The following ZNF784 variants were observed in gnomAD, a reference collection of about 807,000 sequenced individuals.
ZNF784 encodes the protein zinc finger protein 784.
A neutral mutation model predicts 3.3 loss-of-function variants in ZNF784; 5 were observed. The ratio of observed to expected loss-of-function variants is 1.53; its 90% CI spans 0.80 to 3.22. The LOEUF is 3.22. ZNF784 is among the 30% of genes most tolerant of loss of function. The probability of loss-of-function intolerance (pLI) is 0.00; values close to 1 mark genes in which losing one functional copy is unlikely to be tolerated. For synonymous variants in ZNF784, 231 were observed against 219.6 expected (o/e 1.05, Z -0.46); for missense variants, 501 against 480.7 (o/e 1.04, Z -0.39).
intron 1 of ZNF784, among the ~76,000 whole-genome samples, chr19:55,623,765 A>C (rs1053036234): frequency 6.6e-6 from 1 of 152,082 alleles, no homozygotes; most frequent in Admixed American, 6.6e-5. Context: ...TTTCCTTTAT[A>C]GAACATATCA....
chr19:55,622,172 G>GCCATCA lies in ZNF784; in HGVS notation c.545_550dup (p.Val182_Met183dup). ...CACCGCTGCGCCCGCCGCCGCCGCC[G>GCCATCA]CCATCACCACCTCCGCCCTCTCCGG... is the stretch of plus-strand genomic sequence containing the variant. On this transcript the variant is annotated inframe_insertion, in exon 2 of 2. Coordinates refer to ENST00000325351, the MANE Select transcript of ZNF784 (RefSeq NM_203374.2). This position sits in a 1 kb window ranked among gnomAD's most constrained non-coding sequence, Gnocchi z 5.9. 3.9e-6 allele frequency: 6 copies of GCCATCA among 1,533,228 alleles called. No individual in the cohort carries two copies. Among genetic ancestry groups the GCCATCA allele is most frequent in the Non-Finnish European group, 5.2e-6 (6 of 1,144,834 alleles). 95.0% of individuals were successfully genotyped at this position (1,533,228 alleles called of 1,614,324 possible).
intron 1 of ZNF784, 110 bp downstream of exon 1, chr19:55,624,374 T>A: frequency 1.4e-6 from 1 of 721,264 alleles, no homozygotes; most frequent in Non-Finnish European, 2.0e-6. Context: ...GCCATAGCAC[T>A]AAATACCTCC....
chr19:55,623,914 G>A (rs1286557065), intron 1 of ZNF784, among the ~76,000 whole-genome samples: 1 of 152,118 alleles, frequency 6.6e-6, no homozygotes, highest in Non-Finnish European at 1.5e-5. Context: ...ATGAATGAAT[G>A]TCCTCAATTA....
At position 55,622,548 on chromosome 19, in the gene ZNF784, G is replaced by A. The variant is rs370972785; in HGVS notation, c.175C>T (p.Pro59Ser). The A allele has an allele frequency of 8.1e-6, 13 of 1,611,530 alleles. No homozygotes were observed. Among genetic ancestry groups the A allele is most frequent in the South Asian group, 1.1e-5 (1 of 90,712 alleles). ...CAGTGGAAAGAACCTGGCTCCGGGG[G>A]CTCAGGGACCAGCGTGGTGTCCGTC... ...KVTDTTLVPE[P>S]PEPGSFHCAL... Residue 59 changes from proline (P) to serine (S), a missense_variant, in exon 2 of 2, where the codon CCC (proline) becomes TCC (serine). Physicochemically the swap from Pro to Ser is moderately conservative, Grantham distance 74 (BLOSUM62 -1). Coordinates refer to ENST00000325351, the MANE Select transcript of ZNF784 (RefSeq NM_203374.2). This position sits in a 1 kb window ranked among gnomAD's most constrained non-coding sequence, Gnocchi z 5.9.
In ZNF784 at chr19:55,621,722, TTAAC is replaced by T. The variant is rs754338641; in HGVS notation, c.*25_*28del. On this transcript the variant is annotated 3_prime_UTR_variant, in exon 2 of 2. Coordinates refer to ENST00000325351, the MANE Select transcript of ZNF784 (RefSeq NM_203374.2). This position sits in a 1 kb window ranked among gnomAD's most constrained non-coding sequence, Gnocchi z 4.1. ...CCCGGGTCGGCCTCGTACCTCCGCC[TTAAC>T]TAACCCATGTCCCTGGTCTGCAGCC... is the stretch of plus-strand genomic sequence containing the variant. The T allele has an allele frequency of 2.0e-6, 3 of 1,519,162 alleles. No homozygotes were observed. The highest frequency in any genetic ancestry group is 1.1e-5 in the South Asian group (1 of 88,978). 94.1% of individuals were successfully genotyped at this position (1,519,162 alleles called of 1,614,324 possible).
At position 55,621,668 on chromosome 19, in the gene ZNF784, T is replaced by G; in HGVS notation, c.*83A>C. 4.2e-6 allele frequency: 6 copies of G among 1,429,548 alleles called. No individual in the cohort carries two copies. The highest frequency in any genetic ancestry group is 1.4e-5 in the African/African-American group (1 of 71,760). The allele number at this position is 1,429,548 out of a possible 1,614,324, so 88.6% of individuals were successfully genotyped here. Reference sequence around the variant, plus strand: ...CCCCAATCTCCCCTCTTCTGTCCCCTGCCTCCGTTTCCCCACCCCGTCCCC... The same window carrying G: ...CCCCAATCTCCCCTCTTCTGTCCCCGGCCTCCGTTTCCCCACCCCGTCCCC... On this transcript the variant is annotated 3_prime_UTR_variant, in exon 2 of 2. Coordinates refer to ENST00000325351, the MANE Select transcript of ZNF784 (RefSeq NM_203374.2). This position sits in a 1 kb window ranked among gnomAD's most constrained non-coding sequence, Gnocchi z 4.1.
chr19:55,622,704 G>T lies in ZNF784; in HGVS notation c.79-60C>A. On this transcript the variant is annotated intron_variant, in intron 1 of 1. Coordinates refer to ENST00000325351, the MANE Select transcript of ZNF784 (RefSeq NM_203374.2). This position sits in a 1 kb window ranked among gnomAD's most constrained non-coding sequence, Gnocchi z 5.9. ...ACCTGCCTCAGGACCGCCCCAGCAC[G>T]CCCCAATTATTAAAGCTTGGGCTCC... The T allele has an allele frequency of 7.3e-7, 1 of 1,374,096 alleles. No homozygotes were observed. Among genetic ancestry groups the T allele is most frequent in the Non-Finnish European group, 9.6e-7 (1 of 1,039,316 alleles). 85.1% of individuals were successfully genotyped at this position (1,374,096 alleles called of 1,614,324 possible). A position where few individuals can be genotyped will look rare whatever the true frequency, so the allele number is the denominator to read the frequency against.
In ZNF784 at chr19:55,622,390, C is replaced by T. The variant is rs1160766019; in HGVS notation, c.333G>A (p.Pro111=). 17 of 1,552,740 alleles carry T rather than the reference C, an allele frequency of 1.1e-5. No individual in the cohort carries two copies. The highest frequency in any genetic ancestry group is 1.5e-5 in the Non-Finnish European group (17 of 1,151,398). Residue 111 remains proline, a synonymous_variant, in exon 2 of 2, where the codon CCG becomes CCA. Transcript: ENST00000325351. This position sits in a 1 kb window ranked among gnomAD's most constrained non-coding sequence, Gnocchi z 5.9. ...AGTGCGCGCGCAGGCTGGCGGGGCCCGGGCAGCTGTGGCCGCACACGTGGC... is the reference window on the plus strand; with the variant it reads ...AGTGCGCGCGCAGGCTGGCGGGGCCTGGGCAGCTGTGGCCGCACACGTGGC... ...SRCHVCGHSC[P]GPASLRAHYS...
Position 55,621,601 on chromosome 19 carries a change from A to G in ZNF784, c.*150T>C. 2 of 1,078,616 alleles carry G rather than the reference A, an allele frequency of 1.9e-6. No homozygotes were observed. The highest frequency in any genetic ancestry group is 3.1e-5 in the South Asian group (2 of 64,256). 66.8% of individuals were successfully genotyped at this position (1,078,616 alleles called of 1,614,324 possible). ...GCCTGGCCCTCTCCCTCTGCTCTCC[A>G]TCACTAGCGGCTCACAACCATCCCT... is the stretch of plus-strand genomic sequence containing the variant. On this transcript the variant is annotated 3_prime_UTR_variant, in exon 2 of 2. Coordinates refer to ENST00000325351, the MANE Select transcript of ZNF784 (RefSeq NM_203374.2). This position sits in a 1 kb window ranked among gnomAD's most constrained non-coding sequence, Gnocchi z 4.1.
Position 55,622,596 on chromosome 19 carries a change from T to A in ZNF784, c.127A>T (p.Ile43Phe), listed in dbSNP as rs1223320641. ...GTCACCTTCACCACCTGGATCTCGATGAGGTCACTCGGGGGTGTGCCAGGC... is the reference window on the plus strand; with the variant it reads ...GTCACCTTCACCACCTGGATCTCGAAGAGGTCACTCGGGGGTGTGCCAGGC... ...CRPGTPPSDLIEIQVVKVTDT... is the reference protein window; with the variant it reads ...CRPGTPPSDLFEIQVVKVTDT... The change falls in exon 2 of 2, where the codon ATC becomes TTC. Residue 43 changes from isoleucine (I) to phenylalanine (F), a missense_variant. Transcript: ENST00000325351. This position sits in a 1 kb window ranked among gnomAD's most constrained non-coding sequence, Gnocchi z 5.9. 6.3e-7 allele frequency: 1 copy of A among 1,599,572 alleles called. No homozygotes were observed.
rs1313906124 is a variant in ZNF784, at chr19:55,622,284, G to C, written c.439C>G (p.His147Asp). 1 of 1,527,862 alleles carries C rather than the reference G, an allele frequency of 6.5e-7. No homozygotes were observed. Among genetic ancestry groups the C allele is most frequent in the African/African-American group, 1.4e-5 (1 of 72,392 alleles). The allele number at this position is 1,527,862 out of a possible 1,614,324, so 94.6% of individuals were successfully genotyped here. The change falls in exon 2 of 2, where the codon CAC (histidine) becomes GAC (aspartate). Residue 147 changes from histidine (H) to aspartate (D), a missense_variant. Transcript: ENST00000325351. The surrounding 1 kb of genome is among the most constrained non-coding windows in gnomAD (Gnocchi z 5.9). ...GGCTCCACCCCGTGCCGGTGCTGGT[G>C]CCGGAGCAGGGGCGCCAAGGCCTTG... ...AFKALAPLLR[H>D]QHRHGVEPGT...
chr19:55,624,519 T>A lies in ZNF784; in HGVS notation c.43A>T (p.Thr15Ser), dbSNP rs568293968. 6.2e-7 allele frequency: 1 copy of A among 1,601,360 alleles called. No individual in the cohort carries two copies. Among genetic ancestry groups the A allele is most frequent in the Admixed American group, 1.7e-5 (1 of 59,176 alleles). ...GGCTCCTGGGATCGCGACTCCGGAG[T>A]CGGTGAGCTCCGACTCTGGGCCTCT... ...RPEAQSRSSPTPESRSQEPLD... is the reference protein window; with the variant it reads ...RPEAQSRSSPSPESRSQEPLD... The change falls in exon 1 of 2, where the codon ACT becomes TCT. Residue 15 changes from threonine (T) to serine (S), a missense_variant. Transcript: ENST00000325351.
In ZNF784 at chr19:55,624,495, G is replaced by C. The variant is rs746933437; in HGVS notation, c.67C>G (p.Pro23Ala). 5 of 1,604,748 alleles carry C rather than the reference G, an allele frequency of 3.1e-6. No homozygotes were observed. The African/African-American group carries it at 6.7e-5, about 22-fold the overall frequency. Residue 23 changes from proline (P) to alanine (A), a missense_variant, in exon 1 of 2, where the codon CCA (proline) becomes GCA (alanine). Pro to Ala is a conservative substitution (Grantham distance 27, BLOSUM62 -1). Transcript: ENST00000325351. ...SPTPESRSQE[P>A]LDLVLVPDDC... ...TTCCTTGCCCGCACCAGGTCCAGTGGCTCCTGGGATCGCGACTCCGGAGTC... is the reference window on the plus strand; with the variant it reads ...TTCCTTGCCCGCACCAGGTCCAGTGCCTCCTGGGATCGCGACTCCGGAGTC...
intron 1 of ZNF784, among the ~76,000 whole-genome samples, chr19:55,623,437 C>A (rs1981638472): frequency 6.6e-6 from 1 of 152,234 alleles, no homozygotes; most frequent in African/African-American, 2.4e-5. Context: ...AGCCCCATCA[C>A]TTGGCGCCTC....
chr19:55,624,338 A>G (rs1048184752), intron 1 of ZNF784, 146 bp downstream of exon 1: 20 of 168,202 alleles, frequency 1.2e-4, no homozygotes, highest in Non-Finnish European at 1.8e-4. Context: ...GCCCCTCGCG[A>G]AACCACAAGA....
Position 55,621,541 on chromosome 19 carries a change from G to T in ZNF784, c.*210C>A. On this transcript the variant is annotated 3_prime_UTR_variant, in exon 2 of 2. Transcript: ENST00000325351. The surrounding 1 kb of genome is among the most constrained non-coding windows in gnomAD (Gnocchi z 4.1). ...GCTGCACCTGTCCTCTCCTAGGCCT[G>T]GCAGAGGTGCTGTGTGGGCGTGTGG... 1 of 681,894 alleles carries T rather than the reference G, an allele frequency of 1.5e-6. No individual in the cohort carries two copies. The highest frequency in any genetic ancestry group is 2.4e-6 in the Non-Finnish European group (1 of 411,314). 42.2% of individuals were successfully genotyped at this position (681,894 alleles called of 1,614,324 possible).
rs768731594 is a variant in ZNF784 at position 55,622,511 on chromosome 19, G to A, written c.212C>T (p.Pro71Leu). 2.5e-6 allele frequency: 4 copies of A among 1,612,886 alleles called. No homozygotes were observed. In the South Asian group the frequency reaches 4.4e-5, roughly 18 times the overall value. The change falls in exon 2 of 2, where the codon CCT becomes CTT. Residue 71 changes from proline to leucine, a missense_variant. Transcript: ENST00000325351. The surrounding 1 kb of genome is among the most constrained non-coding windows in gnomAD (Gnocchi z 5.9). ...EPGSFHCALC[P>L]AAFRLVSELL... ...CTCGGAAACCAGCCGGAAGGCAGCA[G>A]GGCACAAGGCACAGTGGAAAGAACC...
At position 55,621,947 on chromosome 19, in the gene ZNF784, C is replaced by G; in HGVS notation, c.776G>C (p.Arg259Pro). ...GAAGTTGGAGGAGTTGTTGAAGGTG[C>G]GGTCGCAGAGCGTGCAGCGGAACGG... ...ERPFRCTLCD[R>P]TFNNSSNFRK... is the part of the protein sequence containing the mutation. The change falls in exon 2 of 2, where the codon CGC (arginine) becomes CCC (proline). Residue 259 changes from arginine to proline, a missense_variant. Coordinates refer to ENST00000325351, the MANE Select transcript of ZNF784 (RefSeq NM_203374.2). This position sits in a 1 kb window ranked among gnomAD's most constrained non-coding sequence, Gnocchi z 4.1. 6.3e-7 allele frequency: 1 copy of G among 1,595,622 alleles called. No individual in the cohort carries two copies. The highest frequency in any genetic ancestry group is 8.5e-7 in the Non-Finnish European group (1 of 1,177,384).
rs1386694489 is a variant in ZNF784 at position 55,622,789 on chromosome 19, A to G, written c.79-145T>C. The stretch of plus-strand genomic sequence containing the variant: ...CCTGGCGCGATCGTGGCTCATTGCA[A>G]CCTTGACCTCCTGGGCTCAAGCGAT... On this transcript the variant is annotated intron_variant, in intron 1 of 1. Coordinates refer to ENST00000325351, the MANE Select transcript of ZNF784 (RefSeq NM_203374.2). The surrounding 1 kb of genome is among the most constrained non-coding windows in gnomAD (Gnocchi z 5.9). The G allele has an allele frequency of 1.4e-5, 9 of 657,468 alleles. No individual in the cohort carries two copies. Among genetic ancestry groups the G allele is most frequent in the Non-Finnish European group, 1.9e-5 (8 of 429,492 alleles). The allele number at this position is 657,468 out of a possible 1,614,324, so 40.7% of individuals were successfully genotyped here.
Sources: gnomAD v4.1 joint callset for allele counts (sites outside exome capture counted in the v4.1 genomes callset) on GRCh38, gnomAD v4.1.1 for gene constraint, Gnocchi (gnomAD v3.1) non-coding constraint, MANE v1.5 for transcripts, NCBI Gene and HGNC (gene_info 2026-07-23, HGNC 2026-07-21) for gene names.